GRB10: variants seen among roughly 807,000 people sequenced by gnomAD.
The protein encoded by GRB10 is growth factor receptor-bound protein 10.
A neutral mutation model predicts 80.9 loss-of-function variants in GRB10; 20 were observed. That is an observed-to-expected ratio of 0.25 (90% confidence interval 0.17 to 0.36). The LOEUF (loss-of-function observed/expected upper bound fraction) is 0.36. GRB10 is among the 10% of genes least tolerant of loss of function. The probability of loss-of-function intolerance (pLI) is 1.00; values close to 1 mark genes in which losing one functional copy is unlikely to be tolerated. For missense variants in GRB10, 548 were observed against 747.7 expected (o/e 0.73, Z 3.12); for synonymous variants, 291 against 291.5 (o/e 1.00, Z 0.02).
chr7:50,751,669 C>G (rs1475882541), intron 3 of GRB10, among the ~76,000 whole-genome samples: 1 of 152,128 alleles, frequency 6.6e-6, no homozygotes, highest in Non-Finnish European at 1.5e-5. Context: ...AAAATGCATC[C>G]GTTTGCACAT....
intron 2 of GRB10, among the ~76,000 whole-genome samples, chr7:50,777,456 A>ACACACACACACC (rs1562696424): frequency 6.6e-6 from 1 of 151,388 alleles, no homozygotes; most frequent in Non-Finnish European, 1.5e-5. Flanking sequence ...ACACACACAC[A>ACACACACACACC]CACCATTGCA....
intron 2 of GRB10, among the ~76,000 whole-genome samples, chr7:50,767,543 G>A (rs1040168171): frequency 2.6e-5 from 4 of 152,140 alleles, no homozygotes; most frequent in Non-Finnish European, 5.9e-5. Flanking sequence ...GGCAGAGCTG[G>A]CCCACTTTGA....
At chr7:50,745,098 AG>A (rs2072660634) in intron 3 of GRB10, among the ~76,000 whole-genome samples, 1 of 152,160 alleles carries the variant, frequency 6.6e-6, no homozygotes, top group African/African-American at 2.4e-5. Context: ...CTATGCTGTA[AG>A]ATTTTTCAAA....
chr7:50,739,478 A>G (rs902393602), intron 3 of GRB10, among the ~76,000 whole-genome samples: 1 of 152,196 alleles, frequency 6.6e-6, no homozygotes, highest in African/African-American at 2.4e-5. Flanking sequence ...TGACCAAATG[A>G]CACATCCGTG....
chr7:50,637,266 C>G (rs1168765152), intron 7 of GRB10, among the ~76,000 whole-genome samples: 2 of 152,298 alleles, frequency 1.3e-5, no homozygotes, highest in East Asian at 3.9e-4. Context: ...CTGCCTTAAT[C>G]TTATATTTAG....
intron 2 of GRB10, among the ~76,000 whole-genome samples, chr7:50,776,551 T>G (rs1207200827): frequency 5.3e-5 from 8 of 152,176 alleles, no homozygotes; most frequent in Non-Finnish European, 1.2e-4. Context: ...AAATTCCATT[T>G]TCAATTCATT....
intron 8 of GRB10, among the ~76,000 whole-genome samples, chr7:50,622,227 G>A (rs1287360283): frequency 6.6e-6 from 1 of 152,184 alleles, no homozygotes; most frequent in Admixed American, 6.5e-5. Flanking sequence ...TTTTAGTGGG[G>A]GAAAGGACAT....
intron 17 of GRB10, 94 bp from the exon 18 acceptor site, chr7:50,595,624 C>CACAA (rs1420505784): frequency 1.7e-5 from 13 of 771,490 alleles, no homozygotes; most frequent in Non-Finnish European, 3.0e-5. Context: ...CACACACACA[C>CACAA]ACACACACAC....
At chr7:50,731,059 T>C (rs1193351816) in intron 4 of GRB10, among the ~76,000 whole-genome samples, 2 of 151,854 alleles carry the variant, frequency 1.3e-5, no homozygotes, top group Non-Finnish European at 2.9e-5. Flanking sequence ...CTTTAATCAA[T>C]GGGGGGAGGC....
chr7:50,650,473 G>C (rs1050099364), intron 7 of GRB10, among the ~76,000 whole-genome samples: 1 of 152,188 alleles, frequency 6.6e-6, no homozygotes, highest in Non-Finnish European at 1.5e-5. Flanking sequence ...GATGTGTCAA[G>C]GCACGTCTGC....
At chr7:50,642,610 G>C (rs977276918) in intron 7 of GRB10, among the ~76,000 whole-genome samples, 2 of 152,018 alleles carry the variant, frequency 1.3e-5, no homozygotes, top group Non-Finnish European at 2.9e-5. Context: ...CAACGGAAAC[G>C]CTCATTGGAG....
chr7:50,600,641 C>T (rs1009334292), intron 17 of GRB10, among the ~76,000 whole-genome samples: 13 of 152,086 alleles, frequency 8.5e-5, no homozygotes, highest in African/African-American at 3.1e-4. Flanking sequence ...ATGAATGCAC[C>T]CCTTTATGAT....
chr7:50,691,258 T>C (rs2062780250), intron 5 of GRB10, among the ~76,000 whole-genome samples: 1 of 151,962 alleles, frequency 6.6e-6, no homozygotes, highest in Non-Finnish European at 1.5e-5. Flanking sequence ...AAAATACTGG[T>C]GGACTTGGAT....
At chr7:50,625,271 C>T (rs192583734) in intron 8 of GRB10, among the ~76,000 whole-genome samples, 4 of 152,110 alleles carry the variant, frequency 2.6e-5, no homozygotes, top group African/African-American at 9.6e-5. Context: ...ACTAAATGTC[C>T]GCAGAAGTCC....
At position 50,662,765 on chromosome 7, in the gene GRB10, A is replaced by G. The variant is rs1248433452; in HGVS notation, c.504+6957T>C. 2.6e-5 allele frequency among the ~76,000 whole-genome samples: 4 copies of G among 152,354 alleles called. No homozygotes were observed. The East Asian group carries it at 7.7e-4, about 29-fold the overall frequency. ...GTAGTAACCACCAACGGATGCTAAA[A>G]AACAGGAAAATTAAGATTCTACCTG... is the stretch of plus-strand genomic sequence containing the variant. On this transcript the variant is annotated intron_variant, in intron 7 of 18. Coordinates refer to ENST00000401949, the MANE Select transcript of GRB10 (RefSeq NM_001350814.2).
intron 10 of GRB10, 83 bp downstream of exon 10, chr7:50,617,988 T>G (rs2050969985): frequency 8.5e-7 from 1 of 1,173,892 alleles, no homozygotes. Flanking sequence ...TCTCTTTAGG[T>G]TTTTTACAAT....
chr7:50,713,075 T>C (rs2066139738), intron 4 of GRB10, among the ~76,000 whole-genome samples: 1 of 152,234 alleles, frequency 6.6e-6, no homozygotes, highest in Admixed American at 6.5e-5. Flanking sequence ...ATGAGGCATT[T>C]TGGCCGAAAG....
chr7:50,645,070 C>G (rs1294313416), intron 7 of GRB10, among the ~76,000 whole-genome samples: 1 of 152,114 alleles, frequency 6.6e-6, no homozygotes, highest in East Asian at 1.9e-4. Context: ...TCATTTAGGG[C>G]TATAATTTTA....
At chr7:50,663,806 C>T (rs2059529081) in intron 7 of GRB10, among the ~76,000 whole-genome samples, 1 of 152,228 alleles carries the variant, frequency 6.6e-6, no homozygotes, top group African/African-American at 2.4e-5. Flanking sequence ...CAGTGCCCAT[C>T]AGGGAAAGCC....
Sources: gnomAD v4.1 joint callset for allele counts (sites outside exome capture counted in the v4.1 genomes callset) on GRCh38, gnomAD v4.1.1 for gene constraint, MANE v1.5 for transcripts, NCBI Gene and HGNC (gene_info 2026-07-23, HGNC 2026-07-21) for gene names.